Variants in SCUBE1 observed in about 807,000 individuals in gnomAD.
SCUBE1 encodes signal peptide, CUB domain and EGF like domain containing 1, also known as signal peptide, CUB and EGF-like domain-containing protein 1.
In SCUBE1, 59 loss-of-function variants were observed where a neutral mutation model predicts 124.4. That is an observed-to-expected ratio of 0.47 (90% CI 0.38 to 0.59). The LOEUF is 0.59. SCUBE1 is among the 20% of genes least tolerant of loss of function. The pLI, the probability that SCUBE1 is intolerant of heterozygous loss-of-function variation, is 0.00. For synonymous variants in SCUBE1, 545 were observed against 550.9 expected (o/e 0.99, Z 0.15); for missense variants, 1,150 against 1,371.2 (o/e 0.84, Z 2.55).
intron 15 of SCUBE1, among the ~76,000 whole-genome samples, chr22:43,216,089 C>T (rs1921797614): frequency 6.6e-6 from 1 of 151,928 alleles, no homozygotes; most frequent in Non-Finnish European, 1.5e-5. Context: ...CTCTGTCACC[C>T]AGGCTGGAGT....
chr22:43,273,001 G>T (rs1327986128), intron 4 of SCUBE1, among the ~76,000 whole-genome samples: 3 of 152,216 alleles, frequency 2.0e-5, no homozygotes, highest in African/African-American at 7.2e-5. Flanking sequence ...ACATCAAGAG[G>T]TGGCACACAA....
At chr22:43,284,090 C>T (rs896914487) in intron 4 of SCUBE1, among the ~76,000 whole-genome samples, 2 of 152,228 alleles carry the variant, frequency 1.3e-5, no homozygotes, top group African/African-American at 2.4e-5. Context: ...TGGAGACACA[C>T]GGCCGTGGTC....
At chr22:43,272,741 G>T (rs1285471797) in intron 4 of SCUBE1, among the ~76,000 whole-genome samples, 1 of 152,232 alleles carries the variant, frequency 6.6e-6, no homozygotes. Context: ...AGCTCCGAGA[G>T]AAATTGTCCT....
chr22:43,238,442 A>G (rs1266162282), intron 7 of SCUBE1: 1 of 508,092 alleles, frequency 2.0e-6, no homozygotes, highest in African/African-American at 1.9e-5. Flanking sequence ...CACTGCAACC[A>G]AAGGTCAAGG....
At chr22:43,272,237 G>T (rs1021404409) in intron 4 of SCUBE1, among the ~76,000 whole-genome samples, 1 of 152,044 alleles carries the variant, frequency 6.6e-6, no homozygotes, top group Non-Finnish European at 1.5e-5. Flanking sequence ...TCCCAGCTGG[G>T]TGTGTGACCC....
intron 2 of SCUBE1, among the ~76,000 whole-genome samples, chr22:43,326,916 C>G (rs555048796): frequency 2.6e-5 from 4 of 152,216 alleles, no homozygotes; most frequent in Non-Finnish European, 1.5e-5. Flanking sequence ...TGCTCATCTT[C>G]GAGCAGATCT....
intron 4 of SCUBE1, among the ~76,000 whole-genome samples, chr22:43,274,995 T>G (rs1180877154): frequency 6.6e-6 from 1 of 152,188 alleles, no homozygotes; most frequent in African/African-American, 2.4e-5. Context: ...CGACTCAAAC[T>G]TAGTCTGGTG....
Position 43,227,336 on chromosome 22 carries a change from T to G in SCUBE1, c.1207+38A>C, listed in dbSNP as rs761843037. 4.6e-5 allele frequency: 73 copies of G among 1,591,382 alleles called. 1 individual carries two copies. The South Asian group carries it at 7.9e-4, about 17-fold the overall frequency. On this transcript the variant is annotated intron_variant, in intron 10 of 21. Transcript: ENST00000360835. ...ACTGTCCCTCCCATCCAAGCCCAGGTGCAGGGGAGGGGCCAGCAGCACAGG... is the reference window on the plus strand; with the variant it reads ...ACTGTCCCTCCCATCCAAGCCCAGGGGCAGGGGAGGGGCCAGCAGCACAGG...
intron 6 of SCUBE1, among the ~76,000 whole-genome samples, chr22:43,256,020 G>A (rs1219530462): frequency 6.6e-6 from 1 of 152,194 alleles, no homozygotes; most frequent in Admixed American, 6.5e-5. Flanking sequence ...ACAGGACAAG[G>A]GGACAGGGCC....
At chr22:43,286,361 G>A (rs1270491033) in intron 4 of SCUBE1, among the ~76,000 whole-genome samples, 1 of 152,246 alleles carries the variant, frequency 6.6e-6, no homozygotes, top group African/African-American at 2.4e-5. Context: ...TACAATGATG[G>A]AGACAATGCG....
At chr22:43,233,446 G>A (rs1470157962) in intron 7 of SCUBE1, 2 of 152,260 alleles carry the variant, frequency 1.3e-5, no homozygotes, top group East Asian at 1.9e-4. Context: ...AGGAGGTAGC[G>A]GAAGAGGCCC....
Position 43,198,447 on chromosome 22 carries a change from C to A in SCUBE1, c.*5550G>T. On this transcript the variant is annotated 3_prime_UTR_variant, in exon 22 of 22. Coordinates refer to ENST00000360835, the MANE Select transcript of SCUBE1 (RefSeq NM_173050.5). ...GCAAGGCAGGTGGGATCAGGCCAAC[C>A]CCAGCTCTGCCTGCCCAGGACTTAC... 1 of 420,298 alleles carries A rather than the reference C, an allele frequency of 2.4e-6. No individual in the cohort carries two copies. Among genetic ancestry groups the A allele is most frequent in the Non-Finnish European group, 4.8e-6 (1 of 206,916 alleles). 26.0% of individuals were successfully genotyped at this position (420,298 alleles called of 1,614,324 possible).
At chr22:43,236,059 C>T (rs150347414) in intron 7 of SCUBE1, among the ~76,000 whole-genome samples, 91 of 152,350 alleles carry the variant, frequency 6.0e-4, no homozygotes, top group African/African-American at 2.1e-3. Context: ...AGCCACTCCT[C>T]TTGCTTGACA....
At chr22:43,313,390 C>T (rs892500702) in intron 3 of SCUBE1, among the ~76,000 whole-genome samples, 4 of 152,052 alleles carry the variant, frequency 2.6e-5, no homozygotes, top group Non-Finnish European at 4.4e-5. Context: ...AGATCGGGGT[C>T]GAAGAAAACA....
At chr22:43,257,581 C>T (rs945609647) in intron 6 of SCUBE1, among the ~76,000 whole-genome samples, 2 of 152,144 alleles carry the variant, frequency 1.3e-5, no homozygotes, top group Non-Finnish European at 1.5e-5. Context: ...GCTGGGGCAG[C>T]GGCGGGAAGA....
At chr22:43,213,133 G>C (rs1921644018) in intron 16 of SCUBE1, 1 of 157,432 alleles carries the variant, frequency 6.4e-6, no homozygotes, top group Admixed American at 6.4e-5. Flanking sequence ...TCCGAGTAAA[G>C]AATGTTCTTG....
Position 43,211,410 on chromosome 22 carries a change from G to A in SCUBE1, c.2222-327C>T, listed in dbSNP as rs866913471. Among the ~76,000 whole-genome samples the A allele has an allele frequency of 6.6e-6, 1 of 152,160 alleles. No individual in the cohort carries two copies. Among genetic ancestry groups the A allele is most frequent in the African/African-American group, 2.4e-5 (1 of 41,434 alleles). On this transcript the variant is annotated intron_variant, in intron 17 of 21. Transcript: ENST00000360835. This position sits in a 1 kb window ranked among gnomAD's most constrained non-coding sequence, Gnocchi z 4.5. ...CGTGCGGGGGAGACAGGGAGGAGGG[G>A]AAGTGGAGCCAGCTAGGCCAAACCC...
At chr22:43,213,297 C>T (rs1314881057) in intron 16 of SCUBE1, 3 of 152,362 alleles carry the variant, frequency 2.0e-5, no homozygotes, top group Admixed American at 6.5e-5. Context: ...GACCACACTC[C>T]TGGAGTGGGC....
chr22:43,213,780 C>A, intron 16 of SCUBE1: 1 of 240,728 alleles, frequency 4.2e-6, no homozygotes, highest in Non-Finnish European at 8.0e-6. Context: ...CCTTAGAAAC[C>A]GTAAGTTGCA....
Sources: gnomAD v4.1 joint callset for allele counts (sites outside exome capture counted in the v4.1 genomes callset) on GRCh38, gnomAD v4.1.1 for gene constraint, Gnocchi (gnomAD v3.1) non-coding constraint, MANE v1.5 for transcripts, NCBI Gene and HGNC (gene_info 2026-07-23, HGNC 2026-07-21) for gene names.